The following SELENON variants were observed in gnomAD, a reference collection of about 807,000 sequenced individuals.
SELENON encodes the protein selenoprotein N.
SELENON carries 44 observed loss-of-function variants against 59.5 expected under a neutral mutation model. That is an observed-to-expected ratio of 0.74 (90% CI 0.58 to 0.95). The LOEUF (loss-of-function observed/expected upper bound fraction) is 0.95, where lower values mean the gene tolerates loss of function less well. Ranked by LOEUF, SELENON falls within the 40% of genes least tolerant of loss-of-function variation. The pLI, the probability that SELENON is intolerant of heterozygous loss-of-function variation, is 0.00. For missense variants in SELENON, 674 were observed against 721.4 expected (o/e 0.93, Z 0.75); for synonymous variants, 320 against 305.6 (o/e 1.05, Z -0.49).
At chr1:25,809,523 G>A (rs545994072) in intron 6 of SELENON, among the ~76,000 whole-genome samples, 160 bp from the exon 6 acceptor site, 67 of 152,174 alleles carry the variant, frequency 4.4e-4, no homozygotes, top group Non-Finnish European at 6.9e-4. Flanking sequence ...CCCGGGCCTC[G>A]AAGGATGAGC....
In SELENON at chr1:25,807,848, C is replaced by T. The variant is rs1250841464; in HGVS notation, c.538-732C>T. Among the ~76,000 whole-genome samples the T allele has an allele frequency of 1.3e-5, 2 of 152,202 alleles. No individual in the cohort carries two copies. The highest frequency in any genetic ancestry group is 2.9e-5 in the Non-Finnish European group (2 of 68,038). On this transcript the variant is annotated intron_variant, in intron 4 of 12. Transcript: ENST00000361547. The surrounding 1 kb of genome is among the most constrained non-coding windows in gnomAD (Gnocchi z 4.5). ...CTCTGTGGTCTCTGAGCGTCCTCTC[C>T]GAGCCATCAGCTTGTCAGACAGAGG...
At chr1:25,808,068 G>A (rs888602984) in intron 4 of SELENON, among the ~76,000 whole-genome samples, 2 of 152,302 alleles carry the variant, frequency 1.3e-5, no homozygotes, top group South Asian at 2.1e-4. Context: ...GCTCCAAACC[G>A]AAACCCTGAG....
rs4659383 is a variant in SELENON, at chr1:25,817,440, T to C, written c.*1722T>C. The C allele has an allele frequency of 0.81, 123,332 of 152,218 alleles. 50,187 individuals are homozygous for C. Among genetic ancestry groups the C allele is most frequent in the East Asian group, 0.98 (5,061 of 5,178 alleles). 9.4% of individuals were successfully genotyped at this position (152,218 alleles called of 1,614,324 possible). A position where few individuals can be genotyped will look rare whatever the true frequency, so the allele number is the denominator to read the frequency against. On this transcript the variant is annotated 3_prime_UTR_variant, in exon 13 of 13. Coordinates refer to ENST00000361547, the MANE Select transcript of SELENON (RefSeq NM_020451.3). Reference sequence around the variant, plus strand: ...ATATTGGTCAGGCTGATCTGGAACTTCTGACCTCAGGTGATCCACCTGCCT... The same window carrying C: ...ATATTGGTCAGGCTGATCTGGAACTCCTGACCTCAGGTGATCCACCTGCCT...
intron 8 of SELENON, 24 bp from the exon 8 acceptor site, chr1:25,811,667 C>T (rs2047960929): frequency 1.9e-6 from 3 of 1,611,816 alleles, no homozygotes; most frequent in Non-Finnish European, 2.5e-6. Flanking sequence ...TGAGCCTTCC[C>T]CCTACCACTG....
At chr1:25,815,380 G>A (rs908629478) in intron 12 of SELENON, among the ~76,000 whole-genome samples, 168 bp from the exon 12 acceptor site, 16 of 152,202 alleles carry the variant, frequency 1.1e-4, no homozygotes, top group Non-Finnish European at 1.9e-4. Context: ...TGATGAGATG[G>A]TGTCGGGTGC....
chr1:25,808,995 C>G, intron 5 of SELENON, 31 bp from the exon 5 acceptor site: 1 of 1,612,898 alleles, frequency 6.2e-7, no homozygotes, highest in African/African-American at 1.3e-5. Context: ...CGGGACCCAG[C>G]AAGCCAGTAC....
At position 25,808,750 on chromosome 1, in the gene SELENON, CA is replaced by C; in HGVS notation, c.710del (p.Asn237ThrfsTer?). ...TGAGCATGTTCACTGGCTACCTGTC[CA>C]ACAACCGCTTCTATCCACCGCCGCC... On this transcript the variant is annotated frameshift_variant, in exon 5 of 13. Coordinates refer to ENST00000361547, the MANE Select transcript of SELENON (RefSeq NM_020451.3). LOFTEE classifies it high-confidence loss of function. 1 of 1,613,980 alleles carries C rather than the reference CA, an allele frequency of 6.2e-7. No homozygotes were observed.
Position 25,815,869 on chromosome 1 carries a change from C to T in SELENON, c.*151C>T. 2.6e-6 allele frequency: 2 copies of T among 755,584 alleles called. No homozygotes were observed. Among genetic ancestry groups the T allele is most frequent in the Non-Finnish European group, 4.3e-6 (2 of 464,346 alleles). The allele number at this position is 755,584 out of a possible 1,614,324, so 46.8% of individuals were successfully genotyped here. On this transcript the variant is annotated 3_prime_UTR_variant, in exon 13 of 13. Transcript: ENST00000361547. ...ATCCACTGAGGGTGGCCACCACAGC[C>T]TTGGCTCCATGGTGGCGGGTAGACA...
Position 25,812,774 on chromosome 1 carries a change from G to C in SELENON, c.1369G>C (p.Asp457His). Residue 457 changes from aspartate to histidine, a missense_variant, in exon 10 of 13, where the codon GAT (aspartate) becomes CAT (histidine). Transcript: ENST00000361547. ...CTCAATCCTGCTGTGGGGGGCCCTG[G>C]ATGACCAGTCCTGCTGAGGTGAGGG... 6 of 1,613,288 alleles carry C rather than the reference G, an allele frequency of 3.7e-6. No homozygotes were observed. The highest frequency in any genetic ancestry group is 3.4e-6 in the Non-Finnish European group (4 of 1,179,700).
Position 25,807,541 on chromosome 1 carries a change from CT to C in SELENON, c.538-1038del, listed in dbSNP as rs2047918318. On this transcript the variant is annotated intron_variant, in intron 4 of 12. Transcript: ENST00000361547. The surrounding 1 kb of genome is among the most constrained non-coding windows in gnomAD (Gnocchi z 4.5). ...CTGGGGTGAGGCAGGAGCAGCACCC[CT>C]AGCCCTGGCCCCCGAGCAGAGCCCC... Among the ~76,000 whole-genome samples, 1 of 152,198 alleles carries C rather than the reference CT, an allele frequency of 6.6e-6. No homozygotes were observed. The highest frequency in any genetic ancestry group is 6.5e-5 in the Admixed American group (1 of 15,280).
In SELENON at chr1:25,812,536, TAC is replaced by T. The variant is rs373710518; in HGVS notation, c.1282-145_1282-144del. On this transcript the variant is annotated intron_variant, in intron 9 of 12. Coordinates refer to ENST00000361547, the MANE Select transcript of SELENON (RefSeq NM_020451.3). ...ATACAAATGTACATATACACAGACA[TAC>T]ACACAAATATATATGCCTACACACA... 1.4e-5 allele frequency: 9 copies of T among 634,712 alleles called. No homozygotes were observed. In the African/African-American group the frequency reaches 1.6e-4, roughly 11 times the overall value. The allele number at this position is 634,712 out of a possible 1,614,324, so 39.3% of individuals were successfully genotyped here.
At chr1:25,813,013 A>T (rs1216368787) in intron 10 of SELENON, among the ~76,000 whole-genome samples, 1 of 152,156 alleles carries the variant, frequency 6.6e-6, no homozygotes, top group African/African-American at 2.4e-5. Context: ...GTTCAAACTC[A>T]GCCATTGTCA....
chr1:25,801,869 G>A (rs1283300433), intron 2 of SELENON: 9 of 184,806 alleles, frequency 4.9e-5, no homozygotes, highest in East Asian at 3.4e-4. Context: ...AGAAAGGTGC[G>A]GAGCCAGGGC....
chr1:25,809,005 C>T (rs768210247), intron 5 of SELENON, 21 bp from the exon 5 acceptor site: 14 of 1,613,256 alleles, frequency 8.7e-6, no homozygotes, highest in East Asian at 6.7e-5. Flanking sequence ...CAAGCCAGTA[C>T]GTGCCTCCCG....
intron 4 of SELENON, among the ~76,000 whole-genome samples, chr1:25,806,192 G>A (rs1004137001): frequency 6.6e-6 from 1 of 152,252 alleles, no homozygotes; most frequent in Non-Finnish European, 1.5e-5. Context: ...GTGTGTCTGG[G>A]CCCAGGGGGC....
rs1044438001 is a variant in SELENON, at chr1:25,807,887, C to G, written c.538-693C>G. On this transcript the variant is annotated intron_variant, in intron 4 of 12. Transcript: ENST00000361547. The surrounding 1 kb of genome is among the most constrained non-coding windows in gnomAD (Gnocchi z 4.5). ...GTCAGACAGAGGCGAGGCAGGTCAC[C>G]GATGAGGACTCGGGCTTAGGGAAGG... Among the ~76,000 whole-genome samples, 1 of 152,222 alleles carries G rather than the reference C, an allele frequency of 6.6e-6. No homozygotes were observed. Among genetic ancestry groups the G allele is most frequent in the Non-Finnish European group, 1.5e-5 (1 of 68,040 alleles).
intron 9 of SELENON, 95 bp from the exon 9 acceptor site, chr1:25,812,564 AACACACACACACACACACACACACACAC>A (rs59333545): frequency 5.2e-6 from 3 of 574,418 alleles, no homozygotes; most frequent in Non-Finnish European, 9.4e-6. Flanking sequence ...CCTACACACA[AACACACACACACACACACACACACACAC>A]ACACACACAC....
At chr1:25,802,576 G>A (rs1176930787) in intron 3 of SELENON, among the ~76,000 whole-genome samples, 2 of 151,528 alleles carry the variant, frequency 1.3e-5, no homozygotes, top group South Asian at 2.1e-4. Context: ...GGCTGGTCTC[G>A]AACTCCTGAC....
At chr1:25,808,994 G>A (rs1285163428) in intron 5 of SELENON, 32 bp from the exon 5 acceptor site, 1 of 1,613,028 alleles carries the variant, frequency 6.2e-7, no homozygotes, top group East Asian at 2.2e-5. Context: ...GCGGGACCCA[G>A]CAAGCCAGTA....
Sources: gnomAD v4.1 joint callset for allele counts (sites outside exome capture counted in the v4.1 genomes callset) on GRCh38, gnomAD v4.1.1 for gene constraint, Gnocchi (gnomAD v3.1) non-coding constraint, MANE v1.5 for transcripts, NCBI Gene and HGNC (gene_info 2026-07-23, HGNC 2026-07-21) for gene names.